Variants in KANSL1 observed in about 807,000 individuals in gnomAD.
KANSL1 encodes the protein KAT8 regulatory NSL complex subunit 1.
KANSL1 carries 22 observed loss-of-function variants against 103.6 expected under a neutral mutation model. The ratio of observed to expected loss-of-function variants is 0.21; its 90% confidence interval spans 0.15 to 0.30. KANSL1 has a LOEUF of 0.30. KANSL1 is among the 10% of genes least tolerant of loss of function. The pLI is 1.00. For synonymous variants in KANSL1, 600 were observed against 527.6 expected (o/e 1.14, Z -1.88); for missense variants, 1,337 against 1,399.8 (o/e 0.96, Z 0.72).
At chr17:46,041,201 CAGT>C in intron 7 of KANSL1, 1 of 152,274 alleles carries the variant, frequency 6.6e-6, no homozygotes, top group Non-Finnish European at 1.5e-5. Context: ...CTTGTTTATT[CAGT>C]AGGATTTTCT....
chr17:46,152,806 G>C (rs2045194275), intron 2 of KANSL1: 1 of 152,196 alleles, frequency 6.6e-6, no homozygotes, highest in Non-Finnish European at 1.5e-5. Context: ...GCAAGATAGA[G>C]AGCAAAACAA....
In KANSL1 at chr17:46,184,206, G is replaced by A. The variant is rs202049136; in HGVS notation, c.-90+8617C>T. Among the ~76,000 whole-genome samples the A allele has an allele frequency of 3.3e-5, 5 of 152,250 alleles. No homozygotes were observed. In the East Asian group the frequency reaches 9.6e-4, roughly 29 times the overall value. On this transcript the variant is annotated intron_variant, in intron 1 of 14. Coordinates refer to ENST00000432791, the MANE Select transcript of KANSL1 (RefSeq NM_015443.4). ...TATTTCACCTGAAGGGGTCAAGGAA[G>A]GCTTCTAGAAAAGATGACATACTGA...
rs17659953 is a variant in KANSL1 at position 46,082,359 on chromosome 17, C to T, written c.1533+82G>A. The T allele has an allele frequency of 0.15, 123,756 of 809,530 alleles. 11,751 individuals carry two copies. Among genetic ancestry groups the T allele is most frequent in the Middle Eastern group, 0.2 (864 of 4,352 alleles). The allele number at this position is 809,530 out of a possible 1,614,324, so 50.1% of individuals were successfully genotyped here. A position where few individuals can be genotyped will look rare whatever the true frequency, so the allele number is the denominator to read the frequency against. ...CCCCTTCTTCAGCCAATGCAAGGAT[C>T]CTAGTTACAGAGAAAAAACGGTGTG... is the stretch of plus-strand genomic sequence containing the variant. On this transcript the variant is annotated intron_variant, in intron 4 of 14. Coordinates refer to ENST00000432791, the MANE Select transcript of KANSL1 (RefSeq NM_015443.4).
chr17:46,156,203 C>T (rs1462522612), intron 2 of KANSL1, among the ~76,000 whole-genome samples: 2 of 152,132 alleles, frequency 1.3e-5, no homozygotes, highest in Admixed American at 6.5e-5. Flanking sequence ...CAAAATTAGC[C>T]GGGCATGGTA....
chr17:46,066,772 AG>A, intron 5 of KANSL1, 40 bp from the exon 6 acceptor site: 1 of 1,438,124 alleles, frequency 7.0e-7, no homozygotes, highest in South Asian at 1.2e-5. Context: ...GAACACACAA[AG>A]AAACAAAATA....
At chr17:46,143,803 CAAAAA>C (rs57361021) in intron 2 of KANSL1, among the ~76,000 whole-genome samples, 9 of 85,538 alleles carry the variant, frequency 1.1e-4, no homozygotes, top group East Asian at 4.7e-4. Context: ...GACTCCATCT[CAAAAA>C]AAAAAAAAAA....
At chr17:46,200,547 C>T (rs1485783930) in intron 1 of KANSL1, among the ~76,000 whole-genome samples, 1 of 152,128 alleles carries the variant, frequency 6.6e-6, no homozygotes, top group Non-Finnish European at 1.5e-5. Flanking sequence ...TCGAGACCAT[C>T]CTGGCCAACG....
intron 2 of KANSL1, chr17:46,148,247 A>C (rs2044844946): frequency 6.6e-6 from 1 of 152,254 alleles, no homozygotes; most frequent in African/African-American, 2.4e-5. Context: ...CCCCCGAAAG[A>C]AAGCAGTTTT....
intron 10 of KANSL1, 153 bp from the exon 11 acceptor site, chr17:46,034,438 G>T: frequency 2.8e-6 from 2 of 726,742 alleles, no homozygotes; most frequent in Non-Finnish European, 4.5e-6. Flanking sequence ...CCACCTAGGA[G>T]TCAGTCTCCA....
In KANSL1 at chr17:46,171,424, C is replaced by T. The variant is rs757669369; in HGVS notation, c.720G>A (p.Pro240=). ...NKSSVNSMEQ[P]ALQGSSRLSP... ...ATAATCTACTGCTTCCTTGAAGTGC[C>T]GGCTGTTCCATGGAATTGACAGAGG... The change falls in exon 2 of 15, where the codon CCG becomes CCA. Residue 240 remains proline, a synonymous_variant. Transcript: ENST00000432791. The T allele has an allele frequency of 1.1e-5, 18 of 1,613,782 alleles. No individual in the cohort carries two copies. The highest frequency in any genetic ancestry group is 4.5e-5 in the East Asian group (2 of 44,874).
At chr17:46,062,538 T>C (rs2078216365) in intron 6 of KANSL1, among the ~76,000 whole-genome samples, 1 of 151,136 alleles carries the variant, frequency 6.6e-6, no homozygotes, top group Admixed American at 6.6e-5. Context: ...TTTGTATTTT[T>C]AGTAGAGATG....
chr17:46,059,034 G>A (rs1408308646), intron 6 of KANSL1, among the ~76,000 whole-genome samples: 47 of 145,686 alleles, frequency 3.2e-4, no homozygotes, highest in Admixed American at 8.5e-4. Context: ...GCAACAGAGC[G>A]AGACTCCATC....
chr17:46,082,520 A>G lies in KANSL1; in HGVS notation c.1454T>C (p.Val485Ala), dbSNP rs371655539. The change falls in exon 4 of 15, where the codon GTA becomes GCA. Residue 485 changes from valine to alanine, a missense_variant. Transcript: ENST00000432791. ...GTCTGTTGTATGCTCTGGGGGAGGT[A>G]CCTCCCCAAGAACTATCAACCCCTG... The part of the protein sequence containing the change: ...ANKGLIVLGE[V>A]PPPEHTTDLF... The G allele has an allele frequency of 1.2e-6, 2 of 1,610,872 alleles. No homozygotes were observed. The highest frequency in any genetic ancestry group is 1.7e-6 in the Non-Finnish European group (2 of 1,177,610).
Position 46,031,121 on chromosome 17 carries a change from G to A in KANSL1, c.*355C>T. On this transcript the variant is annotated 3_prime_UTR_variant, in exon 15 of 15. Coordinates refer to ENST00000432791, the MANE Select transcript of KANSL1 (RefSeq NM_015443.4). ...AGAAGGCCATGCTAAACTGTAGCCCGCCAGGCTGTTCTGCCCTGCCCACAG... is the reference window on the plus strand; with the variant it reads ...AGAAGGCCATGCTAAACTGTAGCCCACCAGGCTGTTCTGCCCTGCCCACAG... The A allele has an allele frequency of 1.5e-5, 4 of 266,898 alleles. No individual in the cohort carries two copies. The highest frequency in any genetic ancestry group is 6.1e-5 in the South Asian group (1 of 16,414). The allele number at this position is 266,898 out of a possible 1,614,324, so 16.5% of individuals were successfully genotyped here. A position where few individuals can be genotyped will look rare whatever the true frequency, so the allele number is the denominator to read the frequency against.
At chr17:46,101,928 G>C (rs542380463) in intron 2 of KANSL1, among the ~76,000 whole-genome samples, 1 of 152,260 alleles carries the variant, frequency 6.6e-6, no homozygotes, top group Non-Finnish European at 1.5e-5. Context: ...GCCATATTCT[G>C]AGAGTTTCTT....
At chr17:46,101,626 C>T (rs1446832607) in intron 2 of KANSL1, among the ~76,000 whole-genome samples, 3 of 151,632 alleles carry the variant, frequency 2.0e-5, no homozygotes, top group Admixed American at 6.6e-5. Flanking sequence ...TAGTAGCACG[C>T]GCCTGTAATC....
chr17:46,193,652 C>T (rs754595371), upstream of KANSL1: 25 of 313,192 alleles, frequency 8.0e-5, no homozygotes, highest in Non-Finnish European at 1.4e-4. Context: ...CTGCGGAGGC[C>T]GCGGCGCCCG....
rs5820610 is a variant in KANSL1, at chr17:46,099,323, C to CAA, written c.1290-4624_1290-4623dup. On this transcript the variant is annotated intron_variant, in intron 2 of 14. Transcript: ENST00000432791. ...TGGGCCACAGAGCGAGACTCCGTCT[C>CAA]AAAAAAAAAAAAAACAAAACAAAAA... Among the ~76,000 whole-genome samples, 32 of 61,018 alleles carry CAA rather than the reference C, an allele frequency of 5.2e-4. 2 individuals carry two copies. The highest frequency in any genetic ancestry group is 2.9e-3 in the East Asian group (10 of 3,442). 40.0% of individuals were successfully genotyped at this position (61,018 alleles called of 152,430 possible). A position where few individuals can be genotyped will look rare whatever the true frequency, so the allele number is the denominator to read the frequency against.
chr17:46,217,295 G>C (rs1406285089), intron 1 of KANSL1, among the ~76,000 whole-genome samples: 2 of 151,992 alleles, frequency 1.3e-5, no homozygotes, highest in African/African-American at 4.8e-5. Flanking sequence ...GGCCAATGTG[G>C]TGAAACCCCA....
Sources: gnomAD v4.1 joint callset for allele counts (sites outside exome capture counted in the v4.1 genomes callset) on GRCh38, gnomAD v4.1.1 for gene constraint, MANE v1.5 for transcripts, NCBI Gene and HGNC (gene_info 2026-07-23, HGNC 2026-07-21) for gene names.